Variants in WDTC1 observed in about 807,000 individuals in gnomAD.
WDTC1 encodes the protein WD and tetratricopeptide repeats protein 1.
A neutral mutation model predicts 76.0 loss-of-function variants in WDTC1; 12 were observed. The ratio of observed to expected loss-of-function variants is 0.16; its 90% CI spans 0.10 to 0.26. The LOEUF (loss-of-function observed/expected upper bound fraction) is 0.26, where lower values mean the gene tolerates loss of function less well. Ranked by LOEUF, WDTC1 falls within the 10% of genes least tolerant of loss-of-function variation. WDTC1 has a pLI of 1.00. For missense variants in WDTC1, 511 were observed against 908.8 expected, an observed-to-expected ratio of 0.56 and a Z score of 5.63; for synonymous variants, 326 against 350.8, an observed-to-expected ratio of 0.93 and a Z score of 0.79.
intron 6 of WDTC1, among the ~76,000 whole-genome samples, chr1:27,289,062 C>T (rs1337875279): frequency 1.4e-5 from 2 of 144,450 alleles, no homozygotes. Context: ...CCGGACGGGG[C>T]GGCTGGCCGG....
chr1:27,262,910 A>T (rs563120498), intron 2 of WDTC1, among the ~76,000 whole-genome samples: 8 of 151,768 alleles, frequency 5.3e-5, no homozygotes, highest in African/African-American at 1.9e-4. Flanking sequence ...TTTCCTTTTT[A>T]AAAATTTTTT....
intron 1 of WDTC1, among the ~76,000 whole-genome samples, chr1:27,241,602 G>A (rs534324314): frequency 6.6e-6 from 1 of 152,288 alleles, no homozygotes; most frequent in East Asian, 1.9e-4. Context: ...TAGTAGTAGA[G>A]TTACAGGATG....
At position 27,303,915 on chromosome 1, in the gene WDTC1, G is replaced by T; in HGVS notation, c.1643+120G>T. The T allele has an allele frequency of 7.4e-7, 1 of 1,355,472 alleles. No individual in the cohort carries two copies. Among genetic ancestry groups the T allele is most frequent in the Non-Finnish European group, 1.0e-6 (1 of 987,912 alleles). 84.0% of individuals were successfully genotyped at this position (1,355,472 alleles called of 1,614,324 possible). On this transcript the variant is annotated intron_variant, in intron 14 of 15. Coordinates refer to ENST00000319394, the MANE Select transcript of WDTC1 (RefSeq NM_001276252.2). The surrounding 1 kb of genome is among the most constrained non-coding windows in gnomAD (Gnocchi z 4.8). The stretch of plus-strand genomic sequence containing the variant: ...ATCCCTGCTCTGCCTCTGTACCCTT[G>T]GGCAAATGGCTTCACCTTTGTCAGC...
At chr1:27,239,658 A>G (rs1336047830) in intron 1 of WDTC1, among the ~76,000 whole-genome samples, 1 of 150,982 alleles carries the variant, frequency 6.6e-6, no homozygotes, top group Non-Finnish European at 1.5e-5. Flanking sequence ...TACTAAAAAT[A>G]CAAAAAATTA....
intron 1 of WDTC1, among the ~76,000 whole-genome samples, chr1:27,252,141 T>C (rs1356145286): frequency 6.6e-6 from 1 of 151,144 alleles, no homozygotes; most frequent in African/African-American, 2.4e-5. Context: ...AGCCCAGGAG[T>C]TGGAGACCAG....
At chr1:27,299,399 T>TTAGCTGGGGAGC (rs1553133147) in intron 12 of WDTC1, among the ~76,000 whole-genome samples, 1 of 152,080 alleles carries the variant, frequency 6.6e-6, no homozygotes, top group African/African-American at 2.4e-5. Flanking sequence ...TTGGGTCGCT[T>TTAGCTGGGGAGC]TAGCTGGGGA....
At chr1:27,290,591 G>A (rs577684350) in intron 6 of WDTC1, among the ~76,000 whole-genome samples, 43 of 152,190 alleles carry the variant, frequency 2.8e-4, no homozygotes, top group South Asian at 8.3e-4. Flanking sequence ...CAAGCCACCC[G>A]GAAATGGTAA....
intron 1 of WDTC1, among the ~76,000 whole-genome samples, chr1:27,244,220 TTAAAA>T (rs2011732366): frequency 6.6e-6 from 1 of 151,974 alleles, no homozygotes; most frequent in African/African-American, 2.4e-5. Context: ...AAAAAAAAAT[TTAAAA>T]GAAATGTCAA....
rs2013991678 is a variant in WDTC1, at chr1:27,307,763, C to G, written c.*1380C>G. 6.5e-6 allele frequency: 1 copy of G among 152,786 alleles called. No individual in the cohort carries two copies. The highest frequency in any genetic ancestry group is 2.4e-5 in the African/African-American group (1 of 41,422). The allele number at this position is 152,786 out of a possible 1,614,324, so 9.5% of individuals were successfully genotyped here. A position where few individuals can be genotyped will look rare whatever the true frequency, so the allele number is the denominator to read the frequency against. ...GAGGATAGTGGTGGGGGGTCTGGCA[C>G]CATCTCATTGCTTTAATCCCAGCAA... On this transcript the variant is annotated 3_prime_UTR_variant, in exon 16 of 16. Coordinates refer to ENST00000319394, the MANE Select transcript of WDTC1 (RefSeq NM_001276252.2). The surrounding 1 kb of genome is among the most constrained non-coding windows in gnomAD (Gnocchi z 4.1).
chr1:27,263,594 C>T (rs1245209912), intron 3 of WDTC1, among the ~76,000 whole-genome samples: 3 of 152,022 alleles, frequency 2.0e-5, no homozygotes, highest in Admixed American at 6.6e-5. Context: ...TCACCATGCC[C>T]AGCTAATTTT....
At chr1:27,272,048 C>T (rs1341601405) in intron 3 of WDTC1, among the ~76,000 whole-genome samples, 1 of 150,540 alleles carries the variant, frequency 6.6e-6, no homozygotes, top group Non-Finnish European at 1.5e-5. Flanking sequence ...GAGTTCGAGA[C>T]CAGCCTGGCC....
At chr1:27,298,973 TC>T (rs1415688960) in intron 12 of WDTC1, among the ~76,000 whole-genome samples, 1 of 151,962 alleles carries the variant, frequency 6.6e-6, no homozygotes, top group African/African-American at 2.4e-5. Flanking sequence ...GAAGATGCTG[TC>T]CCCCGGCCTT....
chr1:27,235,003 G>T (rs2011464086), intron 1 of WDTC1, 52 bp downstream of exon 1: 2 of 376,946 alleles, frequency 5.3e-6, no homozygotes, highest in Non-Finnish European at 9.4e-6. Flanking sequence ...GCGGGGACCG[G>T]CTCCCGCAGC....
upstream of WDTC1, chr1:27,234,481 C>T (rs2011440947): frequency 4.2e-5 from 13 of 309,742 alleles, no homozygotes; most frequent in Admixed American, 6.6e-4. Flanking sequence ...TAGTGGGCGC[C>T]GCCGGCAGCA....
At chr1:27,258,145 T>C (rs938439288) in intron 1 of WDTC1, among the ~76,000 whole-genome samples, 21 of 150,778 alleles carry the variant, frequency 1.4e-4, no homozygotes, top group Non-Finnish European at 2.7e-4. Flanking sequence ...ATGCCTGTAA[T>C]CCCAGCACTT....
chr1:27,262,872 T>G (rs969888608), intron 2 of WDTC1, among the ~76,000 whole-genome samples: 1 of 152,118 alleles, frequency 6.6e-6, no homozygotes, highest in Non-Finnish European at 1.5e-5. Context: ...AATATGGAAC[T>G]ATTCCCCATT....
chr1:27,251,467 T>G lies in WDTC1; in HGVS notation c.-99-9489T>G, dbSNP rs192563369. Among the ~76,000 whole-genome samples, 9 of 152,238 alleles carry G rather than the reference T, an allele frequency of 5.9e-5. No individual in the cohort carries two copies. The East Asian group carries it at 1.7e-3, about 29-fold the overall frequency. On this transcript the variant is annotated intron_variant, in intron 1 of 15. Coordinates refer to ENST00000319394, the MANE Select transcript of WDTC1 (RefSeq NM_001276252.2). ...CTCAGCTCCCAGAAATCAGCTGCTT[T>G]CTTTCTCCTTAATTCATTGAGTATC...
chr1:27,279,712 G>A (rs1403935322), intron 3 of WDTC1, among the ~76,000 whole-genome samples: 3 of 152,024 alleles, frequency 2.0e-5, no homozygotes, highest in African/African-American at 2.4e-5. Context: ...GACTACAGGT[G>A]CACGCCACCA....
rs570800648 is a variant in WDTC1, at chr1:27,303,381, T to C, written c.1469-240T>C. ...CTGCATCTTTGGGGCTTTCAGGCCC[T>C]CATTTAGGGACCTGAACCAGGGCCC... On this transcript the variant is annotated intron_variant, in intron 13 of 15. Coordinates refer to ENST00000319394, the MANE Select transcript of WDTC1 (RefSeq NM_001276252.2). The surrounding 1 kb of genome is among the most constrained non-coding windows in gnomAD (Gnocchi z 4.8). 1.4e-4 allele frequency among the ~76,000 whole-genome samples: 21 copies of C among 152,180 alleles called. No individual in the cohort carries two copies. The highest frequency in any genetic ancestry group is 4.3e-4 in the African/African-American group (18 of 41,506).
Sources: gnomAD v4.1 joint callset for allele counts (sites outside exome capture counted in the v4.1 genomes callset) on GRCh38, gnomAD v4.1.1 for gene constraint, Gnocchi (gnomAD v3.1) non-coding constraint, MANE v1.5 for transcripts, NCBI Gene and HGNC (gene_info 2026-07-23, HGNC 2026-07-21) for gene names.